ASB3: variants seen among roughly 807,000 people sequenced by gnomAD.
ASB3 encodes ankyrin repeat and SOCS box protein 3.
Under a neutral mutation model 54.5 loss-of-function variants are expected in ASB3, and 41 were observed. The ratio of observed to expected loss-of-function variants is 0.75; its 90% CI spans 0.59 to 0.98. The LOEUF is 0.98. ASB3 is among the 50% of genes least tolerant of loss of function. ASB3 has a pLI of 0.00. For missense variants in ASB3, 733 were observed against 620.0 expected (o/e 1.18, Z -1.94); for synonymous variants, 266 against 221.2 (o/e 1.20, Z -1.80).
intron 3 of ASB3, among the ~76,000 whole-genome samples, chr2:53,743,120 C>A: frequency 6.7e-6 from 1 of 149,856 alleles, no homozygotes; most frequent in Non-Finnish European, 1.5e-5. Flanking sequence ...AACTGCTGTT[C>A]AAGTTTGAAT....
chr2:53,734,346 AAAAC>A (rs1302115016), intron 3 of ASB3, among the ~76,000 whole-genome samples: 1 of 152,240 alleles, frequency 6.6e-6, no homozygotes, highest in South Asian at 2.1e-4. Context: ...CCCTAAAAAT[AAAAC>A]AAACAAACAA....
intron 5 of ASB3, among the ~76,000 whole-genome samples, chr2:53,724,830 T>G (rs372660251): frequency 6.6e-6 from 1 of 152,144 alleles, no homozygotes; most frequent in Non-Finnish European, 1.5e-5. Flanking sequence ...TTATACATTC[T>G]TGGTGGGAAT....
chr2:53,700,209 G>C, intron 8 of ASB3, 62 bp downstream of exon 8: 1 of 1,549,998 alleles, frequency 6.5e-7, no homozygotes. Context: ...CTCAACTGAA[G>C]GAAATTAAAG....
chr2:53,735,516 G>A (rs925924572), intron 3 of ASB3, among the ~76,000 whole-genome samples: 4 of 147,656 alleles, frequency 2.7e-5, no homozygotes, highest in Non-Finnish European at 3.0e-5. Context: ...AATACACCAT[G>A]TTCATAGATA....
chr2:53,760,470 GC>G lies in ASB3; in HGVS notation c.196+4906del, dbSNP rs202026046. ...CAAGGTAGGACCCTCCATTAGAAAT[GC>G]TTACAGAAGGACCCCTAGTATGGGG... is the stretch of plus-strand genomic sequence containing the variant. On this transcript the variant is annotated intron_variant, in intron 2 of 9. Coordinates refer to ENST00000263634, the MANE Select transcript of ASB3 (RefSeq NM_016115.5). Among the ~76,000 whole-genome samples, 1,131 of 152,288 alleles carry G rather than the reference GC, an allele frequency of 7.4e-3. 17 individuals are homozygous for G. Among genetic ancestry groups the G allele is most frequent in the African/African-American group, 0.026 (1,085 of 41,554 alleles).
chr2:53,746,393 A>G (rs375620894), intron 3 of ASB3, among the ~76,000 whole-genome samples: 4 of 152,246 alleles, frequency 2.6e-5, no homozygotes, highest in East Asian at 3.9e-4. Flanking sequence ...TTATCTAACT[A>G]AAGAGTTATA....
chr2:53,786,256 G>C (rs532769075), intron 1 of ASB3: 4 of 152,250 alleles, frequency 2.6e-5, no homozygotes, highest in African/African-American at 9.6e-5. Context: ...ACATTCATCT[G>C]GCGCTAAACC....
intron 3 of ASB3, among the ~76,000 whole-genome samples, chr2:53,733,103 T>C (rs1572930001): frequency 6.6e-6 from 1 of 152,286 alleles, no homozygotes. Flanking sequence ...CACTCACGTA[T>C]CTATAAACAT....
intron 9 of ASB3, among the ~76,000 whole-genome samples, chr2:53,685,735 C>G (rs544006803): frequency 1.3e-5 from 2 of 152,320 alleles, no homozygotes; most frequent in East Asian, 1.9e-4. Flanking sequence ...CTATGAATCT[C>G]TATCCAAAAA....
At chr2:53,771,423 G>A (rs957922696) in intron 1 of ASB3, among the ~76,000 whole-genome samples, 1 of 152,150 alleles carries the variant, frequency 6.6e-6, no homozygotes, top group Non-Finnish European at 1.5e-5. Context: ...TGAGGTGAGA[G>A]AATTGCTTGA....
chr2:53,712,109 T>A (rs1278845533), intron 7 of ASB3, among the ~76,000 whole-genome samples: 1 of 151,984 alleles, frequency 6.6e-6, no homozygotes, highest in African/African-American at 2.4e-5. Context: ...AAAAAAATCA[T>A]TTATATCACT....
intron 3 of ASB3, among the ~76,000 whole-genome samples, chr2:53,744,772 A>G (rs1672136992): frequency 6.6e-6 from 1 of 152,254 alleles, no homozygotes; most frequent in African/African-American, 2.4e-5. Flanking sequence ...ATGAAAAGTG[A>G]ATCACATGGT....
At chr2:53,676,051 T>C (rs188054347) in intron 9 of ASB3, among the ~76,000 whole-genome samples, 1 of 152,116 alleles carries the variant, frequency 6.6e-6, no homozygotes, top group East Asian at 1.9e-4. Flanking sequence ...TCAAGAAAAT[T>C]GGAAAAGCTG....
intron 2 of ASB3, among the ~76,000 whole-genome samples, chr2:53,755,616 G>A (rs2104029437): frequency 6.6e-6 from 1 of 152,242 alleles, no homozygotes; most frequent in African/African-American, 2.4e-5. Context: ...GGTATTATAA[G>A]AAAAGGTTAT....
At chr2:53,775,665 G>A (rs868683503) in intron 1 of ASB3, among the ~76,000 whole-genome samples, 4 of 151,948 alleles carry the variant, frequency 2.6e-5, no homozygotes, top group Non-Finnish European at 4.4e-5. Flanking sequence ...TAGTAGAGAC[G>A]GGGTTTCACC....
At chr2:53,704,622 G>T (rs772716499) in intron 7 of ASB3, among the ~76,000 whole-genome samples, 4 of 151,998 alleles carry the variant, frequency 2.6e-5, no homozygotes, top group Non-Finnish European at 4.4e-5. Context: ...CTGGGAAAAT[G>T]ATCATTTTCT....
Position 53,720,446 on chromosome 2 carries a change from T to G in ASB3, c.605-3703A>C, listed in dbSNP as rs1181801463. On this transcript the variant is annotated intron_variant, in intron 5 of 9. Coordinates refer to ENST00000263634, the MANE Select transcript of ASB3 (RefSeq NM_016115.5). Reference sequence around the variant, plus strand: ...CAGCAACACAGTGAGACCCCATTTCTATTCAAGAAAAAATTATATATAAAA... The same window carrying G: ...CAGCAACACAGTGAGACCCCATTTCGATTCAAGAAAAAATTATATATAAAA... Among the ~76,000 whole-genome samples, 3 of 152,180 alleles carry G rather than the reference T, an allele frequency of 2.0e-5. No homozygotes were observed. In the East Asian group the frequency reaches 5.8e-4, roughly 29 times the overall value.
chr2:53,732,758 G>A (rs886543173), intron 3 of ASB3, among the ~76,000 whole-genome samples: 1 of 152,116 alleles, frequency 6.6e-6, no homozygotes, highest in Non-Finnish European at 1.5e-5. Context: ...TATTTTCACA[G>A]CCCTTGTTAA....
At chr2:53,705,732 G>A (rs1460410287) in intron 7 of ASB3, among the ~76,000 whole-genome samples, 12 of 151,950 alleles carry the variant, frequency 7.9e-5, no homozygotes, top group East Asian at 1.9e-4. Flanking sequence ...CTGTCCCTTC[G>A]TTCCCTGACG....
Sources: gnomAD v4.1 joint callset for allele counts (sites outside exome capture counted in the v4.1 genomes callset) on GRCh38, gnomAD v4.1.1 for gene constraint, MANE v1.5 for transcripts, NCBI Gene and HGNC (gene_info 2026-07-23, HGNC 2026-07-21) for gene names.